FANCA: variants seen among roughly 807,000 people sequenced by gnomAD.
The protein encoded by FANCA is FA complementation group A.
In FANCA, 236 loss-of-function variants were observed where a neutral mutation model predicts 194.3. That is an observed-to-expected ratio of 1.21 (90% CI 1.09 to 1.35). FANCA has a LOEUF of 1.35. Among genes scored for constraint, FANCA ranks in the 40% most tolerant of loss-of-function variants. FANCA has a pLI of 0.00. For missense variants in FANCA, 2,628 were observed against 1,813.9 expected (o/e 1.45, Z -8.15); for synonymous variants, 1,014 against 715.8 (o/e 1.42, Z -6.65).
intron 37 of FANCA, among the ~76,000 whole-genome samples, chr16:89,741,400 C>T (rs34515284): frequency 6.6e-6 from 1 of 152,254 alleles, no homozygotes; most frequent in Non-Finnish European, 1.5e-5. Flanking sequence ...ATCACCAAAA[C>T]CCTGGGCGCT....
intron 2 of FANCA, 88 bp downstream of exon 2, chr16:89,815,789 G>C: frequency 9.1e-7 from 1 of 1,094,218 alleles, no homozygotes; most frequent in Non-Finnish European, 1.4e-6. Context: ...CGCCGCCTCG[G>C]GTGTTTTCTT....
intron 8 of FANCA, among the ~76,000 whole-genome samples, chr16:89,801,705 G>C (rs767902224): frequency 2.6e-5 from 4 of 152,004 alleles, no homozygotes; most frequent in Non-Finnish European, 4.4e-5. Context: ...CTAGCCAACA[G>C]AGTGAAACCT....
chr16:89,758,853 G>A, intron 29 of FANCA, 148 bp from the exon 30 acceptor site: 2 of 1,202,594 alleles, frequency 1.7e-6, no homozygotes, highest in Non-Finnish European at 2.4e-6. Context: ...GAGTAGGGAT[G>A]AGACCTCACT....
chr16:89,765,913 C>G (rs1336797181), intron 27 of FANCA, among the ~76,000 whole-genome samples: 7 of 152,316 alleles, frequency 4.6e-5, no homozygotes, highest in African/African-American at 1.7e-4. Context: ...CTTAATTTAT[C>G]TGGAAAGGGG....
rs376738284 is a variant in FANCA at position 89,742,651 on chromosome 16, T to C, written c.3765+149A>G. ...AGTGAAACCCCGTCTCTACTAAAAA[T>C]ACAAAAAAAAAAAAAAAAAAAAAAA... On this transcript the variant is annotated intron_variant, in intron 37 of 42. Transcript: ENST00000389301. 30 of 557,022 alleles carry C rather than the reference T, an allele frequency of 5.4e-5. No homozygotes were observed. The African/African-American group carries it at 1.4e-3, about 27-fold the overall frequency. The allele number at this position is 557,022 out of a possible 1,614,324, so 34.5% of individuals were successfully genotyped here. A position where few individuals can be genotyped will look rare whatever the true frequency, so the allele number is the denominator to read the frequency against.
intron 20 of FANCA, among the ~76,000 whole-genome samples, chr16:89,777,169 G>A (rs549503280): frequency 6.0e-4 from 91 of 151,482 alleles, no homozygotes; most frequent in Admixed American, 1.4e-3. Context: ...GGTGGATCGC[G>A]CCTCTAGACC....
chr16:89,816,492 C>T, intron 1 of FANCA, 45 bp downstream of exon 1: 2 of 1,449,996 alleles, frequency 1.4e-6, no homozygotes, highest in Non-Finnish European at 1.8e-6. Context: ...GAAACCGTCC[C>T]GGGCCGGACG....
rs562579689 is a variant in FANCA at position 89,752,638 on chromosome 16, T to A, written c.2982-416A>T. Among the ~76,000 whole-genome samples the A allele has an allele frequency of 3.6e-4, 55 of 152,306 alleles. No individual in the cohort carries two copies. The South Asian group carries it at 0.011, about 30-fold the overall frequency. On this transcript the variant is annotated intron_variant, in intron 30 of 42. Transcript: ENST00000389301. ...ATTCCAATATTATGATAATCCTCAC[T>A]CAATAATCATAGCCTAGGAAAAACC...
chr16:89,762,782 C>G lies in FANCA; in HGVS notation c.2779-760G>C, dbSNP rs1466861491. 3 of 451,372 alleles carry G rather than the reference C, an allele frequency of 6.6e-6. No individual in the cohort carries two copies. In the East Asian group the frequency reaches 2.2e-4, roughly 32 times the overall value. 28.0% of individuals were successfully genotyped at this position (451,372 alleles called of 1,614,324 possible). A position where few individuals can be genotyped will look rare whatever the true frequency, so the allele number is the denominator to read the frequency against. ...GATGGCTGGGACTGCAGGTGCACAT[C>G]ACCATGACCAGCTAAGTTTTTTAAA... On this transcript the variant is annotated intron_variant, in intron 28 of 42. Transcript: ENST00000389301.
At position 89,770,598 on chromosome 16, in the gene FANCA, G is replaced by C. The variant is rs2039289487; in HGVS notation, c.2188C>G (p.Leu730Val). ...GGAGCGACACTGGAGGCAGCCATCA[G>C]GTTCTGACAGAAAGACGTCAGCAGG... ...DLLLTSFCQN[L>V]MAASSVAPPE... Residue 730 changes from leucine to valine, a missense_variant, in exon 24 of 43, where the codon CTG becomes GTG. Coordinates refer to ENST00000389301, the MANE Select transcript of FANCA (RefSeq NM_000135.4). 6.2e-7 allele frequency: 1 copy of C among 1,611,754 alleles called. No individual in the cohort carries two copies. The highest frequency in any genetic ancestry group is 8.5e-7 in the Non-Finnish European group (1 of 1,179,114).
chr16:89,785,561 A>G (rs2039868061), intron 14 of FANCA, among the ~76,000 whole-genome samples: 1 of 152,210 alleles, frequency 6.6e-6, no homozygotes, highest in South Asian at 2.1e-4. Flanking sequence ...CCCTCCCAGG[A>G]ACGAAGGGGG....
rs192142300 is a variant in FANCA, at chr16:89,789,847, A to T, written c.1359+1556T>A. 3.3e-5 allele frequency among the ~76,000 whole-genome samples: 5 copies of T among 152,178 alleles called. No individual in the cohort carries two copies. The East Asian group carries it at 9.7e-4, about 29-fold the overall frequency. On this transcript the variant is annotated intron_variant, in intron 14 of 42. Coordinates refer to ENST00000389301, the MANE Select transcript of FANCA (RefSeq NM_000135.4). ...CAAAGCTGATATCTCAAATACACCCAACTCCCCACATGAACTGGGGGTTTT... is the reference window on the plus strand; with the variant it reads ...CAAAGCTGATATCTCAAATACACCCTACTCCCCACATGAACTGGGGGTTTT...
chr16:89,792,381 C>G (rs1044726864), intron 12 of FANCA, 90 bp downstream of exon 12: 1 of 1,371,504 alleles, frequency 7.3e-7, no homozygotes, highest in African/African-American at 1.4e-5. Context: ...CTCGATGTGC[C>G]GTCCACGGCA....
At chr16:89,804,732 A>C (rs1464674375) in intron 7 of FANCA, among the ~76,000 whole-genome samples, 1 of 152,082 alleles carries the variant, frequency 6.6e-6, no homozygotes, top group East Asian at 1.9e-4. Flanking sequence ...AGTTTTTCTC[A>C]TAATATCATT....
At chr16:89,811,565 G>A (rs962979410) in intron 3 of FANCA, among the ~76,000 whole-genome samples, 1 of 152,110 alleles carries the variant, frequency 6.6e-6, no homozygotes, top group African/African-American at 2.4e-5. Flanking sequence ...TGCTCAGTCC[G>A]CAGGCCACCA....
intron 27 of FANCA, 50 bp from the exon 28 acceptor site, chr16:89,765,116 T>G (rs1327700451): frequency 6.2e-7 from 1 of 1,601,350 alleles, no homozygotes; most frequent in South Asian, 1.1e-5. Flanking sequence ...AGTTTCACTG[T>G]GAGTGGCTGA....
chr16:89,784,913 C>G lies in FANCA; in HGVS notation c.1411G>C (p.Val471Leu). ...TCTGACAAGAACGTAAACAGGAAGA[C>G]CAGGGCCTTCTTGCTGCAGCCATGG... ...GYHGCSKKAL[V>L]FLFTFLSELV... is the part of the protein sequence containing the mutation. The change falls in exon 15 of 43, where the codon GTC (valine) becomes CTC (leucine). Residue 471 changes from valine (V) to leucine (L), a missense_variant. By Grantham distance (32) the Val-to-Leu change is conservative. Coordinates refer to ENST00000389301, the MANE Select transcript of FANCA (RefSeq NM_000135.4). 1.2e-6 allele frequency: 2 copies of G among 1,614,144 alleles called. No homozygotes were observed. Among genetic ancestry groups the G allele is most frequent in the Non-Finnish European group, 1.7e-6 (2 of 1,180,018 alleles).
chr16:89,766,061 G>C (rs953948582), intron 27 of FANCA, among the ~76,000 whole-genome samples: 7 of 151,538 alleles, frequency 4.6e-5, no homozygotes, highest in African/African-American at 7.3e-5. Context: ...CAGTGGTGCA[G>C]TCTCGGCTCA....
intron 14 of FANCA, among the ~76,000 whole-genome samples, chr16:89,786,181 GT>G (rs60395462): frequency 0.52 from 76,287 of 147,056 alleles, 21,487 homozygotes; most frequent in East Asian, 0.98. Context: ...ACCAAGCCCG[GT>G]TTTTTTTTTC....
Sources: gnomAD v4.1 joint callset for allele counts (sites outside exome capture counted in the v4.1 genomes callset) on GRCh38, gnomAD v4.1.1 for gene constraint, MANE v1.5 for transcripts, NCBI Gene and HGNC (gene_info 2026-07-23, HGNC 2026-07-21) for gene names.